The following USH2A variants were observed in gnomAD, a reference collection of about 807,000 sequenced individuals.
The protein encoded by USH2A is usherin.
In USH2A, 443 loss-of-function variants were observed where a neutral mutation model predicts 538.9. The observed-to-expected ratio is 0.82, with a 90% CI of 0.76 to 0.89. The LOEUF is 0.89. USH2A is among the 40% of genes least tolerant of loss of function. The probability of loss-of-function intolerance (pLI) is 0.00; values close to 1 mark genes in which losing one functional copy is unlikely to be tolerated. For synonymous variants in USH2A, 2,413 were observed against 2,273.5 expected (o/e 1.06, Z -1.75); for missense variants, 6,633 against 6,324.8 (o/e 1.05, Z -1.65).
Position 216,000,522 on chromosome 1 carries a change from T to A in USH2A, c.6366A>T (p.Ala2122=), listed in dbSNP as rs773734876. 6 of 1,613,664 alleles carry A rather than the reference T, an allele frequency of 3.7e-6. No individual in the cohort carries two copies. The highest frequency in any genetic ancestry group is 5.1e-6 in the Non-Finnish European group (6 of 1,179,684). Residue 2122 remains alanine (A), a synonymous_variant, in exon 33 of 72, where the codon GCA becomes GCT. Transcript: ENST00000307340. ...TGTTTGTACAGCCCACATGTGTGCA[T>A]GCACTTAGTAGAAACTGGTGGGGTG... The part of the protein sequence containing the change: ...VFTPHQFLLS[A]CTHVGCTNSS...
chr1:215,997,027 C>T (rs1233856264), intron 34 of USH2A, among the ~76,000 whole-genome samples: 1 of 152,092 alleles, frequency 6.6e-6, no homozygotes, highest in African/African-American at 2.4e-5. Flanking sequence ...TGCTGAGAAC[C>T]TGCTCTCGAT....
intron 46 of USH2A, among the ~76,000 whole-genome samples, chr1:215,842,987 GA>G (rs912576688): frequency 3.1e-4 from 47 of 150,124 alleles, no homozygotes; most frequent in South Asian, 1.7e-3. Flanking sequence ...ACATTTAAAT[GA>G]AAAAAAAAGA....
At position 216,152,413 on chromosome 1, in the gene USH2A, G is replaced by A. The variant is rs560826367; in HGVS notation, c.4627+22839C>T. Among the ~76,000 whole-genome samples the A allele has an allele frequency of 2.3e-3, 299 of 132,004 alleles. 4 individuals are homozygous for A. Among genetic ancestry groups the A allele is most frequent in the African/African-American group, 7.8e-3 (283 of 36,176 alleles). The allele number at this position is 132,004 out of a possible 152,430, so 86.6% of individuals were successfully genotyped here. A position where few individuals can be genotyped will look rare whatever the true frequency, so the allele number is the denominator to read the frequency against. ...TTACCTTGTGAAAGTCCTTTTCCTG[G>A]CTCATCCTGGCTCAAAAATCACCCC... On this transcript the variant is annotated intron_variant, in intron 21 of 71. Transcript: ENST00000307340.
rs1558027545 is a variant in USH2A, at chr1:215,627,442, TTCCTTCCTTCCTTCC to T, written c.15519+1357_15519+1371del. On this transcript the variant is annotated intron_variant, in intron 71 of 71. Transcript: ENST00000307340. The stretch of plus-strand genomic sequence containing the variant: ...CTTCCTTCCTTCCTTCCTTCCTTCC[TTCCTTCCTTCCTTCC>T]TTCCTTCCTTCCTTCCTTCCTTCCT... 2.9e-4 allele frequency among the ~76,000 whole-genome samples: 34 copies of T among 118,408 alleles called. 1 individual carries two copies. The highest frequency in any genetic ancestry group is 9.5e-4 in the African/African-American group (32 of 33,776). 77.7% of individuals were successfully genotyped at this position (118,408 alleles called of 152,430 possible). A position where few individuals can be genotyped will look rare whatever the true frequency, so the allele number is the denominator to read the frequency against.
At chr1:215,955,835 C>G (rs1176775452) in intron 37 of USH2A, among the ~76,000 whole-genome samples, 1 of 152,066 alleles carries the variant, frequency 6.6e-6, no homozygotes, top group Non-Finnish European at 1.5e-5. Flanking sequence ...TAGGAGTCAC[C>G]TATTATCACT....
intron 26 of USH2A, among the ~76,000 whole-genome samples, chr1:216,079,409 G>C (rs1196156127): frequency 6.6e-6 from 1 of 152,140 alleles, no homozygotes; most frequent in African/African-American, 2.4e-5. Context: ...TTGCTCCCTG[G>C]AAATTGGGAA....
intron 29 of USH2A, chr1:216,072,541 G>T (rs2031591024): frequency 5.8e-6 from 2 of 344,822 alleles, no homozygotes; most frequent in Admixed American, 4.3e-5. Context: ...CCTAATCCCT[G>T]ACTTCAGCTT....
At chr1:215,908,164 T>G (rs149684792) in intron 38 of USH2A, among the ~76,000 whole-genome samples, 19 of 151,958 alleles carry the variant, frequency 1.3e-4, no homozygotes, top group Non-Finnish European at 2.7e-4. Context: ...CAATGAATAG[T>G]AGATAGAAAC....
At chr1:216,090,492 T>G (rs957374158) in intron 22 of USH2A, among the ~76,000 whole-genome samples, 1 of 151,380 alleles carries the variant, frequency 6.6e-6, no homozygotes, top group Non-Finnish European at 1.5e-5. Context: ...GTCTCTCACA[T>G]GGACAATATC....
At chr1:216,310,468 C>A (rs2037399540) in intron 9 of USH2A, among the ~76,000 whole-genome samples, 1 of 151,940 alleles carries the variant, frequency 6.6e-6, no homozygotes, top group African/African-American at 2.4e-5. Flanking sequence ...ACCATTAATT[C>A]TTACATTTGG....
intron 40 of USH2A, among the ~76,000 whole-genome samples, chr1:215,897,451 C>CT (rs1309679833): frequency 6.6e-6 from 1 of 152,076 alleles, no homozygotes; most frequent in Non-Finnish European, 1.5e-5. Flanking sequence ...CTTTGGGAGG[C>CT]TGAGGCGGCT....
chr1:216,053,873 C>T (rs1433806332), intron 30 of USH2A, among the ~76,000 whole-genome samples: 2 of 152,050 alleles, frequency 1.3e-5, no homozygotes, highest in African/African-American at 4.8e-5. Flanking sequence ...TGCAGAAAGC[C>T]CAAGCTGAAA....
chr1:215,927,707 C>A (rs1666268787), intron 38 of USH2A, among the ~76,000 whole-genome samples: 1 of 151,954 alleles, frequency 6.6e-6, no homozygotes, highest in Admixed American at 6.6e-5. Flanking sequence ...ATACCTGAAA[C>A]CTTAGCATCA....
At chr1:216,368,125 A>G (rs971548026) in intron 3 of USH2A, among the ~76,000 whole-genome samples, 14 of 152,046 alleles carry the variant, frequency 9.2e-5, no homozygotes, top group African/African-American at 3.1e-4. Context: ...TCAGTTTCAT[A>G]TTTTATTTTA....
intron 21 of USH2A, among the ~76,000 whole-genome samples, chr1:216,159,276 T>G: frequency 6.6e-6 from 1 of 152,102 alleles, no homozygotes; most frequent in Non-Finnish European, 1.5e-5. Flanking sequence ...GTACCTGACC[T>G]CTGGGAAAAA....
At chr1:215,741,609 G>T in intron 59 of USH2A, 72 bp from the exon 60 acceptor site, 6 of 1,522,930 alleles carry the variant, frequency 3.9e-6, no homozygotes, top group Non-Finnish European at 5.4e-6. Flanking sequence ...CATACAGAAG[G>T]GTAATGATAT....
chr1:215,786,726 C>G lies in USH2A; in HGVS notation c.10331G>C (p.Cys3444Ser), dbSNP rs1167540054. The change falls in exon 52 of 72, where the codon TGT (cysteine) becomes TCT (serine). Residue 3444 changes from cysteine (C) to serine (S), a missense_variant. Cys to Ser is a moderately radical substitution (Grantham distance 112, BLOSUM62 -1). Transcript: ENST00000307340. ...ATGAATGGTTTCTTCGGCAGATGAA[C>G]ACATTTCTTCAATTGATGCCTTCCC... ...STGKASIEEMCSSAEETIHTG... is the reference protein window; with the variant it reads ...STGKASIEEMSSSAEETIHTG... 1.2e-6 allele frequency: 2 copies of G among 1,613,988 alleles called. No individual in the cohort carries two copies.
At chr1:216,405,645 A>T (rs2039382929) in intron 3 of USH2A, among the ~76,000 whole-genome samples, 1 of 152,214 alleles carries the variant, frequency 6.6e-6, no homozygotes, top group Non-Finnish European at 1.5e-5. Context: ...TTCTTAAAAC[A>T]CACACATGCA....
intron 4 of USH2A, among the ~76,000 whole-genome samples, chr1:216,333,421 A>G (rs1273863035): frequency 1.3e-5 from 2 of 152,134 alleles, no homozygotes; most frequent in African/African-American, 4.8e-5. Context: ...TGTGAGCAAT[A>G]GAAAGAGAAA....
Sources: gnomAD v4.1 joint callset for allele counts (sites outside exome capture counted in the v4.1 genomes callset) on GRCh38, gnomAD v4.1.1 for gene constraint, MANE v1.5 for transcripts, NCBI Gene and HGNC (gene_info 2026-07-23, HGNC 2026-07-21) for gene names.